SDK2: variants seen among roughly 807,000 people sequenced by gnomAD.
The protein encoded by SDK2 is sidekick cell adhesion molecule 2, also known as protein sidekick-2.
Under a neutral mutation model 253.9 loss-of-function variants are expected in SDK2, and 105 were observed. The ratio of observed to expected loss-of-function variants is 0.41; its 90% CI spans 0.35 to 0.49. SDK2 has a LOEUF of 0.49. Ranked by LOEUF, SDK2 falls within the 20% of genes least tolerant of loss-of-function variation. The pLI, the probability that SDK2 is intolerant of heterozygous loss-of-function variation, is 0.06. For synonymous variants in SDK2, 1,249 were observed against 1,234.9 expected (o/e 1.01, Z -0.24); for missense variants, 2,608 against 3,003.0 (o/e 0.87, Z 3.07).
intron 1 of SDK2, among the ~76,000 whole-genome samples, chr17:73,537,275 T>C (rs2044791214): frequency 6.6e-6 from 1 of 152,156 alleles, no homozygotes. Context: ...CCCTGCCAAA[T>C]GGCCGCGTCT....
chr17:73,585,270 G>A (rs1374353033), intron 1 of SDK2, among the ~76,000 whole-genome samples: 4 of 152,344 alleles, frequency 2.6e-5, no homozygotes, highest in African/African-American at 7.2e-5. Flanking sequence ...TATGCCATGC[G>A]CTTCTCGTAG....
chr17:73,532,850 G>C (rs2064180880), intron 1 of SDK2, among the ~76,000 whole-genome samples: 1 of 152,206 alleles, frequency 6.6e-6, no homozygotes, highest in Admixed American at 6.5e-5. Context: ...AGGGTGGTTA[G>C]TGTGTCTGTC....
At chr17:73,463,335 C>A (rs2145677598) in intron 3 of SDK2, among the ~76,000 whole-genome samples, 1 of 152,246 alleles carries the variant, frequency 6.6e-6, no homozygotes, top group South Asian at 2.1e-4. Context: ...AGTGTGCATT[C>A]CACTTCAGAA....
chr17:73,396,981 T>C (rs2062976284), intron 24 of SDK2, among the ~76,000 whole-genome samples: 1 of 152,230 alleles, frequency 6.6e-6, no homozygotes, highest in South Asian at 2.1e-4. Context: ...CCAAGCGCTT[T>C]CATGGCCGCT....
chr17:73,609,096 G>A lies in SDK2; in HGVS notation c.64+34929C>T, dbSNP rs981716894. Among the ~76,000 whole-genome samples the A allele has an allele frequency of 1.3e-5, 2 of 152,344 alleles. No individual in the cohort carries two copies. The highest frequency in any genetic ancestry group is 4.8e-5 in the African/African-American group (2 of 41,580). ...ATTGACCTCAGTAAAGCCTGGGAAGGCCGCTGGAGGAAAGCCTTTTTGGGG... is the reference window on the plus strand; with the variant it reads ...ATTGACCTCAGTAAAGCCTGGGAAGACCGCTGGAGGAAAGCCTTTTTGGGG... On this transcript the variant is annotated intron_variant, in intron 1 of 44. Transcript: ENST00000392650. The surrounding 1 kb of genome is among the most constrained non-coding windows in gnomAD (Gnocchi z 4.4).
At position 73,472,123 on chromosome 17, in the gene SDK2, A is replaced by G. The variant is rs1599598741; in HGVS notation, c.320T>C (p.Val107Ala). Reference protein sequence around the residue: ...MGALLQRQTEVQVAYMGSFEE... With the variant: ...MGALLQRQTEAQVAYMGSFEE... ...CCCATTGTACTCACAGGCCACCTGG[A>G]CCTCGGTTTGCCGCTGCAGCAGGGC... Residue 107 changes from valine (V) to alanine (A), a missense_variant, in exon 3 of 45, where the codon GTC becomes GCC. Physicochemically the swap from Val to Ala is moderately conservative, Grantham distance 64 (BLOSUM62 0). This residue lies in a region of SDK2 where 1,505 missense variants were observed against 1,859.1 expected (regional missense o/e 0.81). Coordinates refer to ENST00000392650, the MANE Select transcript of SDK2 (RefSeq NM_001144952.2). The G allele has an allele frequency of 6.4e-7, 1 of 1,551,230 alleles. No homozygotes were observed. Among genetic ancestry groups the G allele is most frequent in the South Asian group, 1.2e-5 (1 of 84,050 alleles).
At position 73,423,419 on chromosome 17, in the gene SDK2, G is replaced by A; in HGVS notation, c.1864C>T (p.Leu622=). 6.4e-7 allele frequency: 1 copy of A among 1,563,418 alleles called. No individual in the cohort carries two copies. The highest frequency in any genetic ancestry group is 8.7e-7 in the Non-Finnish European group (1 of 1,152,406). The change falls in exon 14 of 45, where the codon CTG becomes TTG. Residue 622 remains leucine, a synonymous_variant. Transcript: ENST00000392650. ...WTKPFDGNSP[L]IRYILEMSEN... is the part of the protein sequence containing the mutation. ...GACATCTCCAGAATGTAGCGGATCA[G>A]GGGGCTGTTGCCATCAAAGGGCTTG...
In SDK2 at chr17:73,456,020, T is replaced by C; in HGVS notation, c.365A>G (p.Gln122Arg). The change falls in exon 4 of 45, where the codon CAG becomes CGG. Residue 122 changes from glutamine to arginine, a missense_variant. Around this residue, in one of 2 missense-constraint regions of SDK2, gnomAD observed 1,505 missense variants for 1,859.1 expected, o/e 0.81. Coordinates refer to ENST00000392650, the MANE Select transcript of SDK2 (RefSeq NM_001144952.2). The stretch of plus-strand genomic sequence containing the variant: ...AGCTGCTTCTCCGTGGGAGACGCTC[T>C]GGTGCTTCTCACCTTCCTCAAAGCT... ...MGSFEEGEKHQSVSHGEAAVI... is the reference protein window; with the variant it reads ...MGSFEEGEKHRSVSHGEAAVI... The C allele has an allele frequency of 6.5e-7, 1 of 1,537,720 alleles. No homozygotes were observed.
chr17:73,606,515 C>T (rs949167622), intron 1 of SDK2, among the ~76,000 whole-genome samples: 11 of 152,164 alleles, frequency 7.2e-5, no homozygotes, highest in Non-Finnish European at 1.0e-4. Context: ...CTATTTTACC[C>T]GCACCATCTG....
chr17:73,405,571 C>A (rs1288483579), intron 18 of SDK2, among the ~76,000 whole-genome samples: 1 of 139,504 alleles, frequency 7.2e-6, no homozygotes, highest in Non-Finnish European at 1.5e-5. Flanking sequence ...GGAGAGCATA[C>A]ACATTTATGT....
At chr17:73,384,317 G>A (rs1007708896) in intron 32 of SDK2, among the ~76,000 whole-genome samples, 3 of 152,142 alleles carry the variant, frequency 2.0e-5, no homozygotes, top group Non-Finnish European at 4.4e-5. Flanking sequence ...GGGGCCTGGA[G>A]CACACAGCTG....
intron 1 of SDK2, among the ~76,000 whole-genome samples, chr17:73,585,897 A>C (rs1806235500): frequency 6.6e-6 from 1 of 152,230 alleles, no homozygotes; most frequent in Non-Finnish European, 1.5e-5. Context: ...AAAGACATAC[A>C]GAATTGAATG....
intron 18 of SDK2, among the ~76,000 whole-genome samples, chr17:73,407,207 A>G (rs988384989): frequency 2.0e-5 from 3 of 152,248 alleles, no homozygotes; most frequent in Non-Finnish European, 4.4e-5. Flanking sequence ...GAAAGCAACA[A>G]GAGCCCCTTA....
At position 73,395,064 on chromosome 17, in the gene SDK2, C is replaced by A; in HGVS notation, c.3592+91G>T. ...AGCTCAGGCTGTTTTTGAACAACAC[C>A]TTCAGCCTGGCACGCGCTTGGATGA... On this transcript the variant is annotated intron_variant, in intron 25 of 44. Transcript: ENST00000392650. The surrounding 1 kb of genome is among the most constrained non-coding windows in gnomAD (Gnocchi z 4.3). The A allele has an allele frequency of 1.0e-6, 1 of 997,058 alleles. No homozygotes were observed. 61.8% of individuals were successfully genotyped at this position (997,058 alleles called of 1,614,324 possible). A position where few individuals can be genotyped will look rare whatever the true frequency, so the allele number is the denominator to read the frequency against.
chr17:73,614,504 C>T (rs1205683216), intron 1 of SDK2, among the ~76,000 whole-genome samples: 9 of 143,370 alleles, frequency 6.3e-5, no homozygotes, highest in Non-Finnish European at 1.2e-4. Flanking sequence ...TTGAAAGACA[C>T]TTTGTATGTT....
rs1210267778 is a variant in SDK2, at chr17:73,534,469, G to A, written c.65-26872C>T. ...TGAGAGGCCTGGGGGCTATGTGGGG[G>A]AAGGTTCAGGGACAGTGTGGGGGCT... On this transcript the variant is annotated intron_variant, in intron 1 of 44. Coordinates refer to ENST00000392650, the MANE Select transcript of SDK2 (RefSeq NM_001144952.2). The surrounding 1 kb of genome is among the most constrained non-coding windows in gnomAD (Gnocchi z 4.9). Among the ~76,000 whole-genome samples the A allele has an allele frequency of 6.6e-6, 1 of 152,174 alleles. No individual in the cohort carries two copies. The highest frequency in any genetic ancestry group is 1.5e-5 in the Non-Finnish European group (1 of 68,032).
intron 44 of SDK2, among the ~76,000 whole-genome samples, chr17:73,339,776 A>G (rs2062418675): frequency 6.6e-6 from 1 of 152,086 alleles, no homozygotes. Context: ...AGGCTGGTCT[A>G]GAACTCCTGG....
intron 1 of SDK2, among the ~76,000 whole-genome samples, chr17:73,623,687 C>A (rs913062070): frequency 6.6e-6 from 1 of 152,172 alleles, no homozygotes; most frequent in Non-Finnish European, 1.5e-5. Flanking sequence ...CTCTGATCCC[C>A]TTTCGGTCAG....
At chr17:73,417,988 T>C (rs1473929858) in intron 16 of SDK2, among the ~76,000 whole-genome samples, 1 of 151,066 alleles carries the variant, frequency 6.6e-6, no homozygotes, top group Non-Finnish European at 1.5e-5. Flanking sequence ...AACCTGAAGA[T>C]GCATCAAAGT....
Sources: gnomAD v4.1 joint callset for allele counts (sites outside exome capture counted in the v4.1 genomes callset) on GRCh38, gnomAD v4.1.1 for gene constraint, gnomAD v4.1.1 regional missense constraint, Gnocchi (gnomAD v3.1) non-coding constraint, MANE v1.5 for transcripts, NCBI Gene and HGNC (gene_info 2026-07-23, HGNC 2026-07-21) for gene names.